The following ERBB4 variants were observed in gnomAD, a reference collection of about 807,000 sequenced individuals.
ERBB4 encodes receptor tyrosine-protein kinase erbB-4.
Under a neutral mutation model 158.0 loss-of-function variants are expected in ERBB4, and 42 were observed. The ratio of observed to expected loss-of-function variants is 0.27; its 90% CI spans 0.21 to 0.34. The LOEUF (loss-of-function observed/expected upper bound fraction) is 0.34. Ranked by LOEUF, ERBB4 falls within the 10% of genes least tolerant of loss-of-function variation. The probability of loss-of-function intolerance (pLI) is 1.00; values close to 1 mark genes in which losing one functional copy is unlikely to be tolerated. For synonymous variants in ERBB4, 583 were observed against 558.7 expected, an observed-to-expected ratio of 1.04 and a Z score of -0.61; for missense variants, 1,333 against 1,624.1, an observed-to-expected ratio of 0.82 and a Z score of 3.08.
At chr2:212,298,694 G>T (rs1318575018) in intron 1 of ERBB4, among the ~76,000 whole-genome samples, 2 of 151,600 alleles carry the variant, frequency 1.3e-5, no homozygotes, top group African/African-American at 4.8e-5. Flanking sequence ...TTTACTAAGA[G>T]CTTCACCAAA....
chr2:211,902,974 A>G (rs1415751875), intron 3 of ERBB4, among the ~76,000 whole-genome samples: 1 of 152,024 alleles, frequency 6.6e-6, no homozygotes, highest in African/African-American at 2.4e-5. Flanking sequence ...ATCTCAATCT[A>G]TATGCCATTG....
At chr2:212,168,598 T>C (rs2081420306) in intron 1 of ERBB4, among the ~76,000 whole-genome samples, 1 of 152,110 alleles carries the variant, frequency 6.6e-6, no homozygotes. Context: ...GAGTACCCTG[T>C]GGAGGGAAAA....
intron 1 of ERBB4, among the ~76,000 whole-genome samples, chr2:212,239,090 G>A (rs1410172392): frequency 6.6e-6 from 1 of 152,146 alleles, no homozygotes. Flanking sequence ...GTCTTGCTCT[G>A]TTGCCCAGCC....
chr2:212,453,196 C>A (rs948870561), intron 1 of ERBB4, among the ~76,000 whole-genome samples: 2 of 152,112 alleles, frequency 1.3e-5, no homozygotes. Flanking sequence ...GCATATAACT[C>A]TATAGGTGTT....
intron 3 of ERBB4, among the ~76,000 whole-genome samples, chr2:211,874,199 T>G (rs1251397996): frequency 6.6e-6 from 1 of 152,064 alleles, no homozygotes; most frequent in African/African-American, 2.4e-5. Context: ...TTTTTTCTCA[T>G]TTTGCTAGTT....
At chr2:211,903,719 T>C (rs1342509971) in intron 3 of ERBB4, among the ~76,000 whole-genome samples, 1 of 151,676 alleles carries the variant, frequency 6.6e-6, no homozygotes, top group Non-Finnish European at 1.5e-5. Flanking sequence ...CTAAACAATA[T>C]ACTGATAAAA....
Position 211,893,541 on chromosome 2 carries a change from A to G in ERBB4, c.421+53889T>C, listed in dbSNP as rs1207013416. Reference sequence around the variant, plus strand: ...CAAAACACCAAAAGCAATGGCAACAAAAGCCTAAATTGACAAATGGGATCT... The same window carrying G: ...CAAAACACCAAAAGCAATGGCAACAGAAGCCTAAATTGACAAATGGGATCT... On this transcript the variant is annotated intron_variant, in intron 3 of 27. Transcript: ENST00000342788. Among the ~76,000 whole-genome samples, 5 of 142,364 alleles carry G rather than the reference A, an allele frequency of 3.5e-5. 1 individual carries two copies. The highest frequency in any genetic ancestry group is 7.6e-5 in the Non-Finnish European group (5 of 66,018). The allele number at this position is 142,364 out of a possible 152,430, so 93.4% of individuals were successfully genotyped here. A position where few individuals can be genotyped will look rare whatever the true frequency, so the allele number is the denominator to read the frequency against.
At chr2:212,291,503 T>C (rs1012975925) in intron 1 of ERBB4, among the ~76,000 whole-genome samples, 7 of 152,120 alleles carry the variant, frequency 4.6e-5, no homozygotes, top group Non-Finnish European at 8.8e-5. Flanking sequence ...GCAAGGATGA[T>C]AAAACATGCT....
intron 20 of ERBB4, among the ~76,000 whole-genome samples, chr2:211,480,386 C>G (rs1346480383): frequency 6.6e-6 from 1 of 152,160 alleles, no homozygotes; most frequent in African/African-American, 2.4e-5. Flanking sequence ...AAATTTCTCA[C>G]TTACTGTTCT....
chr2:212,326,917 C>T (rs79818952), intron 1 of ERBB4, among the ~76,000 whole-genome samples: 1,952 of 150,858 alleles, frequency 0.013, 66 homozygotes, highest in African/African-American at 0.044. Flanking sequence ...AAAACAGGAA[C>T]GAAGGAATTC....
At chr2:211,564,023 T>C (rs2125727666) in intron 19 of ERBB4, among the ~76,000 whole-genome samples, 2 of 152,306 alleles carry the variant, frequency 1.3e-5, no homozygotes, top group South Asian at 4.1e-4. Flanking sequence ...TATGGCAGAT[T>C]GAATTCACAA....
chr2:212,463,334 T>C (rs1056751474), intron 1 of ERBB4, among the ~76,000 whole-genome samples: 4 of 152,098 alleles, frequency 2.6e-5, no homozygotes, highest in Admixed American at 1.3e-4. Context: ...CTACATATTG[T>C]GTAAGTGTAA....
chr2:212,507,589 T>C (rs1476067234), intron 1 of ERBB4, among the ~76,000 whole-genome samples: 1 of 152,156 alleles, frequency 6.6e-6, no homozygotes, highest in African/African-American at 2.4e-5. Context: ...CCCCCATGGA[T>C]GACTTGGAGG....
At chr2:211,657,145 G>A (rs2071245431) in intron 16 of ERBB4, among the ~76,000 whole-genome samples, 1 of 151,938 alleles carries the variant, frequency 6.6e-6, no homozygotes, top group South Asian at 2.1e-4. Context: ...ATCATCTATT[G>A]AATTAAGAGC....
At chr2:212,002,998 G>A (rs2076141549) in intron 2 of ERBB4, among the ~76,000 whole-genome samples, 2 of 150,556 alleles carry the variant, frequency 1.3e-5, no homozygotes, top group South Asian at 4.2e-4. Context: ...GGCGGAGAGT[G>A]GACTGAGATT....
chr2:211,849,643 T>G (rs1490946936), intron 3 of ERBB4, among the ~76,000 whole-genome samples: 1 of 151,998 alleles, frequency 6.6e-6, no homozygotes, highest in African/African-American at 2.4e-5. Context: ...AGAAGCCTAC[T>G]CATTATTTTT....
At chr2:211,652,452 T>C (rs2071028163) in intron 16 of ERBB4, among the ~76,000 whole-genome samples, 1 of 152,180 alleles carries the variant, frequency 6.6e-6, no homozygotes, top group African/African-American at 2.4e-5. Context: ...ACTGTTTGAT[T>C]TGGACATGAG....
chr2:211,724,782 C>T (rs1270511790), intron 6 of ERBB4, among the ~76,000 whole-genome samples: 1 of 152,086 alleles, frequency 6.6e-6, no homozygotes, highest in African/African-American at 2.4e-5. Context: ...GTAATCACCG[C>T]ATTACTGGAA....
Position 211,623,931 on chromosome 2 carries a change from C to T in ERBB4, c.2193G>A (p.Thr731=), listed in dbSNP as rs570149928. The T allele has an allele frequency of 1.2e-5, 19 of 1,613,960 alleles. 1 individual carries two copies. In the Middle Eastern group the frequency reaches 8.3e-4, roughly 70 times the overall value. The change falls in exon 18 of 28, where the codon ACG becomes ACA. Residue 731 remains threonine, a synonymous_variant. Coordinates refer to ENST00000342788, the MANE Select transcript of ERBB4 (RefSeq NM_005235.3). ...VKVLGSGAFG[T]VYKGIWVPEG... is the part of the protein sequence containing the mutation. The stretch of plus-strand genomic sequence containing the variant: ...GTTGTTTTTTACTTACTTTATAAAC[C>T]GTTCCAAAAGCACCTGAGCCAAGGA...
Sources: allele counts gnomAD v4.1 joint callset (sites outside exome capture counted in the v4.1 genomes callset), GRCh38; gene constraint gnomAD v4.1.1; transcripts MANE v1.5; gene names NCBI Gene and HGNC (gene_info 2026-07-23, HGNC 2026-07-21).